Variants in HIP1R observed in about 807,000 individuals in gnomAD.
HIP1R encodes the protein huntingtin-interacting protein 1-related protein.
A neutral mutation model predicts 144.2 loss-of-function variants in HIP1R; 135 were observed. The observed-to-expected ratio is 0.94, with a 90% CI of 0.81 to 1.08. HIP1R has a LOEUF of 1.08. Ranked by LOEUF, HIP1R falls within the 50% of genes least tolerant of loss-of-function variation. The pLI is 0.00. For synonymous variants in HIP1R, 698 were observed against 612.8 expected, an observed-to-expected ratio of 1.14 and a Z score of -2.05; for missense variants, 1,462 against 1,432.8, an observed-to-expected ratio of 1.02 and a Z score of -0.33.
chr12:122,852,499 C>G (rs749397701), intron 7 of HIP1R, among the ~76,000 whole-genome samples: 2 of 152,182 alleles, frequency 1.3e-5, no homozygotes, highest in Non-Finnish European at 2.9e-5. Context: ...AGTGGCCCCA[C>G]GAGGGAAGTG....
chr12:122,838,177 C>T (rs922887586), intron 1 of HIP1R, among the ~76,000 whole-genome samples: 4 of 152,086 alleles, frequency 2.6e-5, no homozygotes, highest in Non-Finnish European at 4.4e-5. Context: ...GTGGGGTTAG[C>T]GCTCAGGAGT....
chr12:122,835,914 G>T (rs2032878280), intron 1 of HIP1R, among the ~76,000 whole-genome samples: 1 of 151,250 alleles, frequency 6.6e-6, no homozygotes, highest in Non-Finnish European at 1.5e-5. Flanking sequence ...AGGCGCCGGG[G>T]CTGAGGGGGC....
intron 1 of HIP1R, among the ~76,000 whole-genome samples, chr12:122,841,837 G>C (rs1246394567): frequency 1.3e-5 from 2 of 152,238 alleles, no homozygotes; most frequent in African/African-American, 4.8e-5. Context: ...GGAGGTGGCA[G>C]TGGGTCAGGC....
rs543519111 is a variant in HIP1R, at chr12:122,861,383, G to A, written c.3028G>A (p.Val1010Met). 9 of 1,613,594 alleles carry A rather than the reference G, an allele frequency of 5.6e-6. No homozygotes were observed. The highest frequency in any genetic ancestry group is 2.7e-5 in the African/African-American group (2 of 75,028). ...GGGGGAGTTGCGGAAGCAACACTAC[G>A]TGCTGGCTGGGGCATCAGGCAGCCC... ...RLGELRKQHY[V>M]LAGASGSPGE... Residue 1010 changes from valine (V) to methionine (M), a missense_variant, in exon 31 of 32, where the codon GTG becomes ATG. Val to Met is a conservative substitution (Grantham distance 21). Around this residue, in one of 2 missense-constraint regions of HIP1R, gnomAD observed 1,112 missense variants for 1,011.7 expected, o/e 1.10. Transcript: ENST00000253083.
rs776434663 is a variant in HIP1R, at chr12:122,859,776, T to C, written c.2411T>C (p.Met804Thr). The C allele has an allele frequency of 9.9e-6, 16 of 1,612,896 alleles. No homozygotes were observed. In the East Asian group the frequency reaches 3.6e-4, roughly 36 times the overall value. ...CGGCTCTGTTCTTGGGTGCAGGACA[T>C]GATGAACCAGGCACGCCACGCCAGC... ...IEDAVRRIED[M>T]MNQARHASSG... The change falls in exon 24 of 32, where the codon ATG becomes ACG. Residue 804 changes from methionine (M) to threonine (T), a missense_variant. By Grantham distance (81) the Met-to-Thr change is moderately conservative. This residue lies in a region of HIP1R where 1,112 missense variants were observed against 1,011.7 expected (regional missense o/e 1.10). Transcript: ENST00000253083.
intron 21 of HIP1R, 27 bp from the exon 22 acceptor site, chr12:122,859,034 T>G: frequency 6.2e-7 from 1 of 1,601,830 alleles, no homozygotes; most frequent in Non-Finnish European, 8.5e-7. Flanking sequence ...TGGGGGGGGC[T>G]CCACTCACGG....
At position 122,858,832 on chromosome 12, in the gene HIP1R, G is replaced by T. The variant is rs200309317; in HGVS notation, c.2051-6G>T. ...CCCCCAACCTTGGCCCCACCCACCC[G>T]CACAGACGCCTCCGCCCTGGTGGCA... On this transcript the variant is annotated splice_polypyrimidine_tract_variant and splice_region_variant and intron_variant, in intron 20 of 31. Transcript: ENST00000253083. 3.9e-6 allele frequency: 6 copies of T among 1,532,820 alleles called. No homozygotes were observed. The highest frequency in any genetic ancestry group is 5.4e-6 in the Non-Finnish European group (6 of 1,110,920). 95.0% of individuals were successfully genotyped at this position (1,532,820 alleles called of 1,614,324 possible).
At position 122,849,895 on chromosome 12, in the gene HIP1R, C is replaced by G. The variant is rs35465127; in HGVS notation, c.378C>G (p.Tyr126Ter). The change falls in exon 5 of 32, where the codon TAC becomes TAG. Residue 126 changes from tyrosine (Y) to a stop codon, truncating the protein, a stop_gained. Coordinates refer to ENST00000253083, the MANE Select transcript of HIP1R (RefSeq NM_003959.3). LOFTEE classifies it high-confidence loss of function. Reference sequence around the variant, plus strand: ...CACAGGGACATTTGCATGACCGCTACGGACAGCTGGTGAATGTCTACACCA... The same window carrying G: ...CACAGGGACATTTGCATGACCGCTAGGGACAGCTGGTGAATGTCTACACCA... Reference protein sequence around the residue: ...GDLWGHLHDRYGQLVNVYTKL... With the variant: ...GDLWGHLHDR The G allele has an allele frequency of 6.2e-7, 1 of 1,613,346 alleles. No individual in the cohort carries two copies. The highest frequency in any genetic ancestry group is 8.5e-7 in the Non-Finnish European group (1 of 1,179,720).
At position 122,856,078 on chromosome 12, in the gene HIP1R, T is replaced by C. The variant is rs748973151; in HGVS notation, c.1227T>C (p.Asn409=). 6 of 1,588,164 alleles carry C rather than the reference T, an allele frequency of 3.8e-6. No homozygotes were observed. Among genetic ancestry groups the C allele is most frequent in the Non-Finnish European group, 5.1e-6 (6 of 1,167,670 alleles). The change falls in exon 14 of 32, where the codon AAT becomes AAC. Residue 409 remains asparagine (N), a synonymous_variant. Coordinates refer to ENST00000253083, the MANE Select transcript of HIP1R (RefSeq NM_003959.3). The part of the protein sequence containing the change: ...RKQKQKALVD[N]EQLRHELAQL... Reference sequence around the variant, plus strand: ...AGAAGCAGAAGGCCCTGGTGGATAATGAGCAGCTCCGCCACGAGCTGGCCC... The same window carrying C: ...AGAAGCAGAAGGCCCTGGTGGATAACGAGCAGCTCCGCCACGAGCTGGCCC...
chr12:122,861,837 C>T lies in HIP1R; in HGVS notation c.*84C>T. The stretch of plus-strand genomic sequence containing the variant: ...GACAGGACCGAGAGGCCTTGCCCCT[C>T]CACCTGGTGCCCAAGCCTCCCGCCC... On this transcript the variant is annotated 3_prime_UTR_variant, in exon 32 of 32. Coordinates refer to ENST00000253083, the MANE Select transcript of HIP1R (RefSeq NM_003959.3). The T allele has an allele frequency of 7.7e-7, 1 of 1,291,142 alleles. No homozygotes were observed. The highest frequency in any genetic ancestry group is 1.1e-6 in the Non-Finnish European group (1 of 905,036). The allele number at this position is 1,291,142 out of a possible 1,614,324, so 80.0% of individuals were successfully genotyped here. A position where few individuals can be genotyped will look rare whatever the true frequency, so the allele number is the denominator to read the frequency against.
intron 1 of HIP1R, among the ~76,000 whole-genome samples, chr12:122,846,287 G>A (rs1231739724): frequency 6.6e-6 from 1 of 152,184 alleles, no homozygotes; most frequent in Non-Finnish European, 1.5e-5. Context: ...TTTGAACACT[G>A]CCTTTATCCT....
At chr12:122,847,922 C>A in intron 1 of HIP1R, 109 bp from the exon 2 acceptor site, 2 of 997,906 alleles carry the variant, frequency 2.0e-6, no homozygotes, top group Non-Finnish European at 3.0e-6. Context: ...GCTCCACTGG[C>A]CTTGAACCCA....
rs1316816458 is a variant in HIP1R at position 122,856,604 on chromosome 12, TGA to T, written c.1519-20_1519-19del. On this transcript the variant is annotated intron_variant, in intron 16 of 31. Transcript: ENST00000253083. ...CGGCATCCCCAGCCCACTGCCCCAGTGACACGCTGTCCTGTCCCAGCTAGAGG... is the reference window on the plus strand; with the variant it reads ...CGGCATCCCCAGCCCACTGCCCCAGTCACGCTGTCCTGTCCCAGCTAGAGG... The T allele has an allele frequency of 1.3e-6, 2 of 1,599,782 alleles. No individual in the cohort carries two copies. The highest frequency in any genetic ancestry group is 1.7e-5 in the Admixed American group (1 of 57,760).
chr12:122,852,021 C>T (rs1401608205), intron 7 of HIP1R, among the ~76,000 whole-genome samples: 1 of 152,214 alleles, frequency 6.6e-6, no homozygotes, highest in Non-Finnish European at 1.5e-5. Flanking sequence ...CGAGGGAACC[C>T]GGCCGCTGTT....
chr12:122,845,409 G>A (rs896538812), intron 1 of HIP1R, among the ~76,000 whole-genome samples: 2 of 152,230 alleles, frequency 1.3e-5, no homozygotes, highest in African/African-American at 4.8e-5. Context: ...AGAGCCAGCC[G>A]GCACCCTGCC....
At chr12:122,861,272 AGGCTG>A (rs573909976) in intron 30 of HIP1R, 31 bp from the exon 31 acceptor site, 11 of 1,613,220 alleles carry the variant, frequency 6.8e-6, no homozygotes, top group South Asian at 2.2e-5. Context: ...CTCCCTGGGG[AGGCTG>A]GGCTGGGCTG....
rs777153003 is a variant in HIP1R, at chr12:122,855,412, C to G, written c.993+7C>G. On this transcript the variant is annotated splice_region_variant and intron_variant, in intron 11 of 31. Coordinates refer to ENST00000253083, the MANE Select transcript of HIP1R (RefSeq NM_003959.3). ...CCCCGCGGGGGAGCCAGTGGTGAGC[C>G]CCCTGCCCAGCCCGTGTCCCCCAGT... 4 of 1,558,872 alleles carry G rather than the reference C, an allele frequency of 2.6e-6. No homozygotes were observed. Among genetic ancestry groups the G allele is most frequent in the Non-Finnish European group, 3.5e-6 (4 of 1,152,648 alleles).
intron 7 of HIP1R, among the ~76,000 whole-genome samples, chr12:122,852,583 A>C (rs944594309): frequency 6.6e-6 from 1 of 152,180 alleles, no homozygotes; most frequent in African/African-American, 2.4e-5. Context: ...GTGTACCAGC[A>C]TCTGCTGGAG....
Position 122,854,041 on chromosome 12 carries a change from A to C in HIP1R, c.578-2A>C. The C allele has an allele frequency of 6.2e-7, 1 of 1,612,980 alleles. No individual in the cohort carries two copies. Among genetic ancestry groups the C allele is most frequent in the Non-Finnish European group, 8.5e-7 (1 of 1,179,462 alleles). On this transcript the variant is annotated splice_acceptor_variant, in intron 7 of 31. Transcript: ENST00000253083. LOFTEE classifies it high-confidence loss of function. ...GTTCTTCCTCCTGCCCCTTTTGCAC[A>C]GTTTTCCGACAGCTCAACACGGCCA...
Sources: allele counts gnomAD v4.1 joint callset (sites outside exome capture counted in the v4.1 genomes callset), GRCh38; gene constraint gnomAD v4.1.1; regional missense constraint gnomAD v4.1.1; transcripts MANE v1.5; gene names NCBI Gene and HGNC (gene_info 2026-07-23, HGNC 2026-07-21).